The following SLC4A4 variants were observed in gnomAD, a reference collection of about 807,000 sequenced individuals.
The protein encoded by SLC4A4 is solute carrier family 4 member 4.
In SLC4A4, 27 loss-of-function variants were observed where a neutral mutation model predicts 111.5. The ratio of observed to expected loss-of-function variants is 0.24; its 90% confidence interval spans 0.18 to 0.33. SLC4A4 has a LOEUF of 0.33. Among genes scored for constraint, SLC4A4 ranks in the 10% least tolerant of loss-of-function variants. The pLI is 1.00. For missense variants in SLC4A4, 909 were observed against 1,315.5 expected, an observed-to-expected ratio of 0.69 and a Z score of 4.78; for synonymous variants, 443 against 463.4, an observed-to-expected ratio of 0.96 and a Z score of 0.57.
In SLC4A4 at chr4:71,557,613, T is replaced by C; in HGVS notation, c.2764-99T>C. 3 of 1,241,082 alleles carry C rather than the reference T, an allele frequency of 2.4e-6. No individual in the cohort carries two copies. In the East Asian group the frequency reaches 7.2e-5, roughly 30 times the overall value. The allele number at this position is 1,241,082 out of a possible 1,614,324, so 76.9% of individuals were successfully genotyped here. ...CTTTGTCCTCTGAAAAGGACACTGC[T>C]TGCCTAAATTATAGAATATAAATCA... On this transcript the variant is annotated intron_variant, in intron 21 of 25. Coordinates refer to ENST00000264485, the MANE Select transcript of SLC4A4 (RefSeq NM_001098484.3).
At chr4:71,330,698 C>A (rs1727903602) in intron 3 of SLC4A4, among the ~76,000 whole-genome samples, 1 of 152,054 alleles carries the variant, frequency 6.6e-6, no homozygotes, top group Admixed American at 6.6e-5. Context: ...TCTAAAACAC[C>A]AAAAGCAATG....
chr4:71,450,376 T>C lies in SLC4A4; in HGVS notation c.1054-13T>C, dbSNP rs1725652137. 4.4e-6 allele frequency: 7 copies of C among 1,597,150 alleles called. No individual in the cohort carries two copies. Among genetic ancestry groups the C allele is most frequent in the Non-Finnish European group, 6.0e-6 (7 of 1,164,724 alleles). ...TATCTTTTTGGATGAGCACATCTTT[T>C]ATTATTCTTTAGGTGTTCCATGACA... is the stretch of plus-strand genomic sequence containing the variant. On this transcript the variant is annotated splice_polypyrimidine_tract_variant and intron_variant, in intron 9 of 25. Coordinates refer to ENST00000264485, the MANE Select transcript of SLC4A4 (RefSeq NM_001098484.3).
At chr4:71,412,303 C>T (rs796482818) in intron 7 of SLC4A4, among the ~76,000 whole-genome samples, 17 of 152,294 alleles carry the variant, frequency 1.1e-4, no homozygotes, top group African/African-American at 4.1e-4. Flanking sequence ...GTTATGGTAA[C>T]AGTGTAGTGA....
At chr4:71,508,213 A>G (rs1051112585) in intron 16 of SLC4A4, among the ~76,000 whole-genome samples, 5 of 152,178 alleles carry the variant, frequency 3.3e-5, no homozygotes, top group African/African-American at 4.8e-5. Context: ...GAAAGCTAGC[A>G]GAAGACAAGA....
intron 7 of SLC4A4, among the ~76,000 whole-genome samples, chr4:71,440,330 A>T (rs1264930286): frequency 6.6e-6 from 1 of 152,234 alleles, no homozygotes; most frequent in Non-Finnish European, 1.5e-5. Flanking sequence ...GAATGAATAT[A>T]TAAATGAATG....
intron 2 of SLC4A4, among the ~76,000 whole-genome samples, chr4:71,101,611 C>A (rs1386196336): frequency 6.6e-6 from 1 of 152,118 alleles, no homozygotes; most frequent in East Asian, 1.9e-4. Context: ...GGGTCCCTGA[C>A]CCCTGACCCC....
intron 3 of SLC4A4, among the ~76,000 whole-genome samples, chr4:71,273,307 A>T (rs1297545494): frequency 3.9e-5 from 6 of 152,212 alleles, no homozygotes; most frequent in African/African-American, 1.4e-4. Flanking sequence ...GCATGAAACC[A>T]GTTCATATGC....
chr4:71,517,101 C>A (rs1296008841), intron 16 of SLC4A4, among the ~76,000 whole-genome samples: 1 of 151,982 alleles, frequency 6.6e-6, no homozygotes, highest in Non-Finnish European at 1.5e-5. Flanking sequence ...TGATTGAAGA[C>A]CTTTGACCTT....
At chr4:71,085,279 G>C (rs957044668) in intron 1 of SLC4A4, among the ~76,000 whole-genome samples, 1 of 151,978 alleles carries the variant, frequency 6.6e-6, no homozygotes, top group Non-Finnish European at 1.5e-5. Flanking sequence ...AAATTTGTTT[G>C]AGTTCATTGT....
intron 6 of SLC4A4, among the ~76,000 whole-genome samples, chr4:71,358,224 A>G (rs1418567627): frequency 6.6e-6 from 1 of 151,864 alleles, no homozygotes; most frequent in Non-Finnish European, 1.5e-5. Context: ...GTGAGGCCAG[A>G]GAAAAGCTTA....
chr4:71,536,137 CTTAAGAA>C (rs1365818608), intron 18 of SLC4A4, among the ~76,000 whole-genome samples: 1 of 151,870 alleles, frequency 6.6e-6, no homozygotes, highest in Non-Finnish European at 1.5e-5. Context: ...TGGCAGCTGA[CTTAAGAA>C]TTAAGAAGTG....
intron 3 of SLC4A4, among the ~76,000 whole-genome samples, chr4:71,263,335 T>G (rs1046056600): frequency 2.0e-4 from 30 of 152,294 alleles, no homozygotes; most frequent in Non-Finnish European, 4.1e-4. Context: ...TCACACAATC[T>G]GATACTTAGA....
At chr4:71,120,340 T>A (rs1037746046) in intron 2 of SLC4A4, among the ~76,000 whole-genome samples, 1 of 152,150 alleles carries the variant, frequency 6.6e-6, no homozygotes, top group Admixed American at 6.6e-5. Flanking sequence ...TGATAATGCT[T>A]CACTGTTTTC....
intron 3 of SLC4A4, among the ~76,000 whole-genome samples, chr4:71,275,976 T>C (rs909877310): frequency 3.3e-5 from 5 of 152,150 alleles, no homozygotes; most frequent in South Asian, 2.1e-4. Context: ...CGAATGAACA[T>C]GAGAATAACA....
At chr4:71,208,940 T>C (rs895164253) in intron 1 of SLC4A4, among the ~76,000 whole-genome samples, 1 of 152,152 alleles carries the variant, frequency 6.6e-6, no homozygotes, top group Non-Finnish European at 1.5e-5. Context: ...GTTTCCAGAC[T>C]TGAAATTGGC....
intron 1 of SLC4A4, among the ~76,000 whole-genome samples, chr4:71,200,736 C>T (rs993406717): frequency 4.0e-5 from 6 of 151,828 alleles, no homozygotes; most frequent in Non-Finnish European, 8.8e-5. Flanking sequence ...CAGCAAACCA[C>T]CATGGCAGGT....
At chr4:71,352,822 A>T (rs187706282) in intron 5 of SLC4A4, among the ~76,000 whole-genome samples, 2 of 152,344 alleles carry the variant, frequency 1.3e-5, no homozygotes, top group East Asian at 3.9e-4. Flanking sequence ...CAGTGACTTC[A>T]TGAACGGGAG....
chr4:71,239,785 C>G (rs1720063280), intron 2 of SLC4A4, among the ~76,000 whole-genome samples: 1 of 152,068 alleles, frequency 6.6e-6, no homozygotes, highest in Admixed American at 6.5e-5. Context: ...TAAATAGAAG[C>G]CTTTAAATCT....
At chr4:71,090,559 G>T (rs1232602360) in intron 1 of SLC4A4, among the ~76,000 whole-genome samples, 2 of 152,212 alleles carry the variant, frequency 1.3e-5, no homozygotes, top group African/African-American at 4.8e-5. Context: ...GAGGCTATCA[G>T]TTTGGGAAGG....
Sources: allele counts gnomAD v4.1 joint callset (sites outside exome capture counted in the v4.1 genomes callset), GRCh38; gene constraint gnomAD v4.1.1; transcripts MANE v1.5; gene names NCBI Gene and HGNC (gene_info 2026-07-23, HGNC 2026-07-21).